Variants in COL13A1 observed in about 807,000 individuals in gnomAD.
COL13A1 encodes the protein collagen type XIII alpha 1 chain.
In COL13A1, 89 loss-of-function variants were observed where a neutral mutation model predicts 130.9. The observed-to-expected ratio is 0.68, with a 90% CI of 0.57 to 0.81. COL13A1 has a LOEUF of 0.81. Among genes scored for constraint, COL13A1 ranks in the 30% least tolerant of loss-of-function variants. COL13A1 has a pLI of 0.00. For missense variants in COL13A1, 879 were observed against 934.6 expected (o/e 0.94, Z 0.78); for synonymous variants, 402 against 341.6 (o/e 1.18, Z -1.95).
intron 1 of COL13A1, among the ~76,000 whole-genome samples, chr10:69,807,270 T>G (rs1269171587): frequency 6.6e-6 from 1 of 152,174 alleles, no homozygotes; most frequent in African/African-American, 2.4e-5. Flanking sequence ...CACCCCCTTT[T>G]ACAGATGAGA....
rs375481269 is a variant in COL13A1 at position 69,851,020 on chromosome 10, ACTACAGGGGCCTTT to A, written c.365-16766_365-16753del. Among the ~76,000 whole-genome samples the A allele has an allele frequency of 5.9e-3, 894 of 151,524 alleles. 8 individuals are homozygous for A. The highest frequency in any genetic ancestry group is 0.02 in the African/African-American group (833 of 40,790). On this transcript the variant is annotated intron_variant, in intron 2 of 40. Coordinates refer to ENST00000645393, the MANE Select transcript of COL13A1 (RefSeq NM_001368882.1). Reference sequence around the variant, plus strand: ...ATCTGGATGGCACAGCACAGCAGGCACTACAGGGGCCTTTCTACAGGGGCCAGCACATGGGCCAG... The same window carrying A: ...ATCTGGATGGCACAGCACAGCAGGCACTACAGGGGCCAGCACATGGGCCAG...
At chr10:69,904,388 C>T (rs1009588975) in intron 15 of COL13A1, among the ~76,000 whole-genome samples, 8 of 151,460 alleles carry the variant, frequency 5.3e-5, no homozygotes, top group African/African-American at 2.0e-4. Context: ...CTCCAGCCCA[C>T]GTTTGCTGTC....
intron 2 of COL13A1, among the ~76,000 whole-genome samples, chr10:69,832,323 G>A (rs556850721): frequency 1.3e-5 from 2 of 152,314 alleles, no homozygotes; most frequent in Non-Finnish European, 1.5e-5. Flanking sequence ...CACAGGTTTA[G>A]GGGCCTTAGT....
intron 34 of COL13A1, among the ~76,000 whole-genome samples, chr10:69,940,256 C>T (rs1294770034): frequency 6.6e-6 from 1 of 151,994 alleles, no homozygotes. Flanking sequence ...AATACATGGC[C>T]TTAGACCTCT....
At chr10:69,849,160 A>G (rs1008400145) in intron 2 of COL13A1, among the ~76,000 whole-genome samples, 2 of 152,254 alleles carry the variant, frequency 1.3e-5, no homozygotes, top group Non-Finnish European at 2.9e-5. Flanking sequence ...CAGTGCTTAC[A>G]GAGAACGGGT....
intron 18 of COL13A1, 126 bp from the exon 19 acceptor site, chr10:69,918,159 G>A (rs564573259): frequency 1.4e-4 from 103 of 736,988 alleles, no homozygotes; most frequent in Non-Finnish European, 1.4e-4. Flanking sequence ...TGGTGGTTGC[G>A]GGGTTGGGAG....
At chr10:69,837,382 T>C (rs969512697) in intron 2 of COL13A1, among the ~76,000 whole-genome samples, 4 of 152,234 alleles carry the variant, frequency 2.6e-5, no homozygotes, top group African/African-American at 9.6e-5. Context: ...TGTCAGCCAA[T>C]GCCACAGACT....
intron 1 of COL13A1, among the ~76,000 whole-genome samples, chr10:69,817,733 G>A (rs1263130784): frequency 2.0e-5 from 3 of 151,886 alleles, no homozygotes; most frequent in Admixed American, 6.6e-5. Context: ...AATTTGAGCC[G>A]GGCACGGAGG....
At chr10:69,861,896 G>A (rs1189986765) in intron 2 of COL13A1, among the ~76,000 whole-genome samples, 1 of 152,206 alleles carries the variant, frequency 6.6e-6, no homozygotes, top group Non-Finnish European at 1.5e-5. Context: ...AAAGGTCTGG[G>A]GGTGTCTTGT....
intron 40 of COL13A1, among the ~76,000 whole-genome samples, chr10:69,958,128 G>C (rs1243727728): frequency 2.0e-5 from 3 of 152,026 alleles, no homozygotes; most frequent in Non-Finnish European, 1.5e-5. Context: ...CAACACTCAA[G>C]AGAGATGCCT....
At chr10:69,841,671 C>T (rs987690916) in intron 2 of COL13A1, among the ~76,000 whole-genome samples, 1 of 152,156 alleles carries the variant, frequency 6.6e-6, no homozygotes, top group African/African-American at 2.4e-5. Context: ...TAGCGATCAG[C>T]TCCACCAAAA....
chr10:69,957,055 A>C lies in COL13A1; in HGVS notation c.2184+13A>C, dbSNP rs1161892014. ...CTGCTGGAACAAGGTAAGGCTTCCC[A>C]TTGGTGTGCACTGGGGCTCCGTTCT... On this transcript the variant is annotated intron_variant, in intron 40 of 40. Coordinates refer to ENST00000645393, the MANE Select transcript of COL13A1 (RefSeq NM_001368882.1). The C allele has an allele frequency of 1.9e-6, 3 of 1,611,236 alleles. No individual in the cohort carries two copies. The highest frequency in any genetic ancestry group is 3.3e-5 in the Admixed American group (2 of 59,986).
intron 17 of COL13A1, among the ~76,000 whole-genome samples, chr10:69,916,262 G>C (rs2063906819): frequency 1.3e-5 from 2 of 152,230 alleles, no homozygotes; most frequent in Admixed American, 1.3e-4. Flanking sequence ...CAATGGGGCA[G>C]CTGGGCCGGG....
intron 1 of COL13A1, 35 bp downstream of exon 1, chr10:69,802,752 C>T (rs925457418): frequency 6.2e-7 from 1 of 1,605,496 alleles, no homozygotes; most frequent in Non-Finnish European, 8.5e-7. Context: ...TTATCCCTCC[C>T]CGCGGCGCCC....
intron 2 of COL13A1, among the ~76,000 whole-genome samples, chr10:69,840,663 G>C (rs1851356420): frequency 6.6e-6 from 1 of 152,174 alleles, no homozygotes; most frequent in African/African-American, 2.4e-5. Flanking sequence ...AGGACCTCAG[G>C]GGACTCATTA....
At chr10:69,929,901 C>T (rs1420105842) in intron 28 of COL13A1, 142 bp from the exon 29 acceptor site, 5 of 710,102 alleles carry the variant, frequency 7.0e-6, no homozygotes, top group East Asian at 2.7e-5. Context: ...CAAATTCATA[C>T]CTCCCAGCAA....
At chr10:69,819,871 C>T (rs916330014) in intron 1 of COL13A1, among the ~76,000 whole-genome samples, 1 of 152,198 alleles carries the variant, frequency 6.6e-6, no homozygotes, top group African/African-American at 2.4e-5. Context: ...CCCATGTCCT[C>T]ACTCAGATCA....
At chr10:69,820,913 C>T (rs947873490) in intron 1 of COL13A1, among the ~76,000 whole-genome samples, 1 of 152,206 alleles carries the variant, frequency 6.6e-6, no homozygotes, top group African/African-American at 2.4e-5. Flanking sequence ...GCTCTGAATC[C>T]TTGTGAAGCT....
intron 21 of COL13A1, among the ~76,000 whole-genome samples, chr10:69,920,102 G>A (rs1303329618): frequency 2.6e-5 from 4 of 152,194 alleles, no homozygotes; most frequent in African/African-American, 9.6e-5. Flanking sequence ...CCCTCCCACT[G>A]CCAGGGCCTC....
Sources: allele counts gnomAD v4.1 joint callset (sites outside exome capture counted in the v4.1 genomes callset), GRCh38; gene constraint gnomAD v4.1.1; transcripts MANE v1.5; gene names NCBI Gene and HGNC (gene_info 2026-07-23, HGNC 2026-07-21).